The following RGL1 variants were observed in gnomAD, a reference collection of about 807,000 sequenced individuals.
RGL1 encodes the protein ral guanine nucleotide dissociation stimulator-like 1.
RGL1 carries 24 observed loss-of-function variants against 95.2 expected under a neutral mutation model. The ratio of observed to expected loss-of-function variants is 0.25; its 90% confidence interval spans 0.18 to 0.35. RGL1 has a LOEUF of 0.35. Ranked by LOEUF, RGL1 falls within the 10% of genes least tolerant of loss-of-function variation. RGL1 has a pLI of 1.00. For synonymous variants in RGL1, 329 were observed against 344.9 expected, an observed-to-expected ratio of 0.95 and a Z score of 0.51; for missense variants, 715 against 936.3, an observed-to-expected ratio of 0.76 and a Z score of 3.08.
chr1:183,904,761 G>A (rs559603659), intron 12 of RGL1, 89 bp from the exon 13 acceptor site: 1 of 1,319,220 alleles, frequency 7.6e-7, no homozygotes, highest in Non-Finnish European at 1.0e-6. Flanking sequence ...ATCCTAATGT[G>A]GTATATTTTC....
chr1:183,806,438 A>G lies in RGL1; in HGVS notation c.91A>G (p.Arg31Gly). The stretch of plus-strand genomic sequence containing the variant: ...AGCTGTTTACCATGTCACCCTCAAA[A>G]GAGTCCAGATTCAACAGGCTGCCAA... ...EGAVYHVTLK[R>G]VQIQQAANKG... The change falls in exon 2 of 18, where the codon AGA (arginine) becomes GGA (glycine). Residue 31 changes from arginine to glycine, a missense_variant. By Grantham distance (125) the Arg-to-Gly change is moderately radical. This residue lies in a region of RGL1 where 381 missense variants were observed against 484.8 expected (regional missense o/e 0.79). Transcript: ENST00000360851. 1 of 1,614,118 alleles carries G rather than the reference A, an allele frequency of 6.2e-7. No homozygotes were observed. The highest frequency in any genetic ancestry group is 1.3e-5 in the African/African-American group (1 of 75,036).
At chr1:183,856,347 C>T (rs1665144339) in intron 3 of RGL1, among the ~76,000 whole-genome samples, 1 of 151,366 alleles carries the variant, frequency 6.6e-6, no homozygotes, top group African/African-American at 2.4e-5. Context: ...ATGTATATGA[C>T]CCTCTCTACT....
intron 2 of RGL1, among the ~76,000 whole-genome samples, chr1:183,790,024 G>A (rs539119293): frequency 3.7e-4 from 56 of 151,836 alleles, no homozygotes; most frequent in African/African-American, 1.3e-3. Context: ...GGGTTCAAGC[G>A]ATTCTCCTGC....
In RGL1 at chr1:183,768,461, CTTTTTT is replaced by C. The variant is rs71130639; in HGVS notation, c.132+26190_132+26195del. 1.1e-4 allele frequency among the ~76,000 whole-genome samples: 9 copies of C among 83,852 alleles called. No individual in the cohort carries two copies. The South Asian group carries it at 3.0e-3, about 28-fold the overall frequency. The allele number at this position is 83,852 out of a possible 152,430, so 55.0% of individuals were successfully genotyped here. ...ATAATTTGAACTAACCTTTAGATAA[CTTTTTT>C]TTTTTTTTTTTTTTTTTGGAGACAG... On this transcript the variant is annotated intron_variant, in intron 2 of 18. Coordinates refer to the RGL1 transcript ENST00000304685.
chr1:183,642,974 C>A (rs79301428), intron 1 of RGL1, among the ~76,000 whole-genome samples: 5,478 of 152,318 alleles, frequency 0.036, 122 homozygotes, highest in Middle Eastern at 0.061. Context: ...CAGCCCCTGG[C>A]AACCACCATT....
chr1:183,804,605 TG>T (rs1411740890), upstream of RGL1, among the ~76,000 whole-genome samples: 1 of 152,142 alleles, frequency 6.6e-6, no homozygotes, highest in Admixed American at 6.5e-5. Context: ...ACTGGGTAAT[TG>T]GGGTGGTGAA....
intron 13 of RGL1, among the ~76,000 whole-genome samples, chr1:183,905,283 C>T (rs1668253419): frequency 6.6e-6 from 1 of 152,192 alleles, no homozygotes; most frequent in Non-Finnish European, 1.5e-5. Flanking sequence ...TGTGGGAATG[C>T]TTTGTTAGAA....
At chr1:183,802,374 A>G (rs1332736784), upstream of RGL1, among the ~76,000 whole-genome samples, 2 of 152,058 alleles carry the variant, frequency 1.3e-5, no homozygotes, top group Non-Finnish European at 2.9e-5. Flanking sequence ...GAAGCATGAG[A>G]TCTCCAGCTT....
chr1:183,722,668 G>T (rs778442166), intron 1 of RGL1, among the ~76,000 whole-genome samples: 14 of 152,160 alleles, frequency 9.2e-5, no homozygotes, highest in Non-Finnish European at 1.9e-4. Context: ...GAAGACAATG[G>T]AGTAACATCT....
intron 2 of RGL1, among the ~76,000 whole-genome samples, chr1:183,788,098 G>A (rs1327636339): frequency 1.3e-5 from 2 of 152,126 alleles, no homozygotes; most frequent in Non-Finnish European, 2.9e-5. Flanking sequence ...TGCTTACTTT[G>A]TTCATTCCCT....
intron 2 of RGL1, among the ~76,000 whole-genome samples, chr1:183,752,674 T>TCTC (rs1658086890): frequency 2.6e-4 from 8 of 31,306 alleles, no homozygotes; most frequent in Admixed American, 7.0e-4. Flanking sequence ...CTTTCTCTCT[T>TCTC]TCTCTCTCTC....
At chr1:183,919,519 C>A (rs1360154207) in intron 16 of RGL1, among the ~76,000 whole-genome samples, 1 of 152,144 alleles carries the variant, frequency 6.6e-6, no homozygotes, top group East Asian at 1.9e-4. Context: ...ATTTCAGGGA[C>A]CCCACGGGCC....
chr1:183,824,075 ACTATAC>A (rs2102466186), intron 2 of RGL1, among the ~76,000 whole-genome samples: 1 of 151,400 alleles, frequency 6.6e-6, no homozygotes, highest in Admixed American at 6.6e-5. Context: ...GGCATGAGCC[ACTATAC>A]CTGGCTGATT....
At chr1:183,666,584 C>T (rs1348585689) in intron 1 of RGL1, among the ~76,000 whole-genome samples, 2 of 151,984 alleles carry the variant, frequency 1.3e-5, no homozygotes, top group South Asian at 2.1e-4. Flanking sequence ...GACTCCTGAA[C>T]GCAGGCCATC....
chr1:183,755,851 A>G (rs1658295713), intron 2 of RGL1, among the ~76,000 whole-genome samples: 1 of 151,674 alleles, frequency 6.6e-6, no homozygotes, highest in African/African-American at 2.4e-5. Context: ...AAGGAAAGGA[A>G]GCTTCTCACT....
chr1:183,801,141 TTTTGTG>T (rs1380996107), upstream of RGL1, among the ~76,000 whole-genome samples: 1 of 94,832 alleles, frequency 1.1e-5, no homozygotes, highest in African/African-American at 4.3e-5. Context: ...ACACTTGTTA[TTTTGTG>T]TGTGTGTGTG....
intron 1 of RGL1, among the ~76,000 whole-genome samples, chr1:183,656,535 C>T (rs530992672): frequency 6.2e-4 from 94 of 152,304 alleles, no homozygotes; most frequent in African/African-American, 2.2e-3. Flanking sequence ...CAGGGAAATG[C>T]CAAGCTGTAA....
chr1:183,856,992 G>A (rs1039023221), intron 3 of RGL1, among the ~76,000 whole-genome samples: 1 of 152,096 alleles, frequency 6.6e-6, no homozygotes, highest in African/African-American at 2.4e-5. Flanking sequence ...CCTGAAACCT[G>A]GGAATATGTT....
At chr1:183,789,399 G>A (rs920392699) in intron 2 of RGL1, among the ~76,000 whole-genome samples, 3 of 152,176 alleles carry the variant, frequency 2.0e-5, no homozygotes, top group Admixed American at 6.5e-5. Context: ...GTAGTGAGCC[G>A]AGATTGTGCC....
Sources: gnomAD v4.1 joint callset for allele counts (sites outside exome capture counted in the v4.1 genomes callset) on GRCh38, gnomAD v4.1.1 for gene constraint, gnomAD v4.1.1 regional missense constraint, MANE v1.5 for transcripts, NCBI Gene and HGNC (gene_info 2026-07-23, HGNC 2026-07-21) for gene names.